The following BCAS3 variants were observed in gnomAD, a reference collection of about 807,000 sequenced individuals.
The protein encoded by BCAS3 is BCAS3 microtubule associated cell migration factor, also known as BCAS4/BCAS3 fusion.
Under a neutral mutation model 116.1 loss-of-function variants are expected in BCAS3, and 53 were observed. The observed-to-expected ratio is 0.46, with a 90% CI of 0.37 to 0.57. BCAS3 has a LOEUF of 0.57. BCAS3 is among the 20% of genes least tolerant of loss of function. The pLI is 0.00. For missense variants in BCAS3, 917 were observed against 1,165.4 expected, an observed-to-expected ratio of 0.79 and a Z score of 3.10; for synonymous variants, 391 against 408.2, an observed-to-expected ratio of 0.96 and a Z score of 0.51.
rs540693493 is a variant in BCAS3 at position 61,086,769 on chromosome 17, C to T, written c.2425+2205C>T. The T allele has an allele frequency of 4.1e-6, 4 of 985,278 alleles. No individual in the cohort carries two copies. The African/African-American group carries it at 5.2e-5, about 13-fold the overall frequency. The allele number at this position is 985,278 out of a possible 1,614,324, so 61.0% of individuals were successfully genotyped here. On this transcript the variant is annotated intron_variant, in intron 22 of 23. Transcript: ENST00000407086. ...CCAAAACAGTGAAACATGTGTGCTG[C>T]CTTCTTTAACTTTGAGCTAAAGAAG...
At chr17:60,908,161 T>C (rs1185071516) in intron 11 of BCAS3, among the ~76,000 whole-genome samples, 2 of 152,172 alleles carry the variant, frequency 1.3e-5, no homozygotes, top group Non-Finnish European at 2.9e-5. Context: ...TCATGTTTTT[T>C]TTTTCCCTAG....
intron 22 of BCAS3, among the ~76,000 whole-genome samples, chr17:61,166,689 C>T (rs567794804): frequency 5.3e-5 from 8 of 152,132 alleles, no homozygotes; most frequent in East Asian, 1.9e-4. Flanking sequence ...TGAGCCACTG[C>T]ACCCATCCTG....
At chr17:61,234,356 C>T (rs2082867958) in intron 22 of BCAS3, among the ~76,000 whole-genome samples, 1 of 152,166 alleles carries the variant, frequency 6.6e-6, no homozygotes. Context: ...CTGATTACTC[C>T]TGTCCCTCTC....
intron 7 of BCAS3, among the ~76,000 whole-genome samples, chr17:60,849,498 G>T (rs2052864992): frequency 6.6e-6 from 1 of 151,836 alleles, no homozygotes. Flanking sequence ...CTTGAGGATG[G>T]TATGTTTTCT....
chr17:61,236,583 G>C (rs1021564632), intron 22 of BCAS3, among the ~76,000 whole-genome samples: 5 of 152,206 alleles, frequency 3.3e-5, no homozygotes, highest in African/African-American at 7.2e-5. Flanking sequence ...GCCTCCCAAA[G>C]TGCTGGGATT....
At chr17:60,678,261 T>C (rs1271943724) in intron 1 of BCAS3, among the ~76,000 whole-genome samples, 1 of 151,764 alleles carries the variant, frequency 6.6e-6, no homozygotes, top group African/African-American at 2.4e-5. Context: ...GGGCTGGAGG[T>C]GCAGGTATCC....
rs1360021113 is a variant in BCAS3, at chr17:61,115,763, A to T, written c.2425+31199A>T. Among the ~76,000 whole-genome samples, 3 of 148,768 alleles carry T rather than the reference A, an allele frequency of 2.0e-5. No homozygotes were observed. In the South Asian group the frequency reaches 6.5e-4, roughly 32 times the overall value. ...TGGGTATATACCCAAAGCACTATAA[A>T]TCATGCTGCTATAAAGACACATGCA... On this transcript the variant is annotated intron_variant, in intron 22 of 23. Transcript: ENST00000407086.
intron 14 of BCAS3, among the ~76,000 whole-genome samples, chr17:60,972,460 T>C (rs1300130912): frequency 6.7e-6 from 1 of 149,240 alleles, no homozygotes; most frequent in Non-Finnish European, 1.5e-5. Flanking sequence ...TTTTTTTTTT[T>C]TTTTTTGAGA....
At chr17:60,820,658 T>A (rs2049877726) in intron 7 of BCAS3, among the ~76,000 whole-genome samples, 1 of 152,054 alleles carries the variant, frequency 6.6e-6, no homozygotes, top group Admixed American at 6.5e-5. Flanking sequence ...ATTAAAAAAA[T>A]TTAAAAAGTA....
intron 5 of BCAS3, among the ~76,000 whole-genome samples, chr17:60,738,345 T>C (rs900949159): frequency 6.6e-6 from 1 of 152,200 alleles, no homozygotes; most frequent in African/African-American, 2.4e-5. Flanking sequence ...CTCTTTCTCT[T>C]TGTCAATTTT....
At chr17:60,709,429 GC>G (rs2037582110) in intron 5 of BCAS3, 104 bp downstream of exon 5, 1 of 687,668 alleles carries the variant, frequency 1.5e-6, no homozygotes. Context: ...CTCACTCTTC[GC>G]CCAGGCTGGA....
intron 19 of BCAS3, among the ~76,000 whole-genome samples, chr17:61,045,352 A>C (rs1002758707): frequency 1.3e-5 from 2 of 151,604 alleles, no homozygotes; most frequent in African/African-American, 4.8e-5. Context: ...CTACAAAAAC[A>C]TTATAAAAAT....
intron 9 of BCAS3, among the ~76,000 whole-genome samples, chr17:60,881,765 T>G (rs1475044457): frequency 6.6e-6 from 1 of 151,318 alleles, no homozygotes; most frequent in East Asian, 1.9e-4. Context: ...ACAAAGGACA[T>G]GAACTCATCA....
At chr17:60,772,424 T>C (rs1410658903) in intron 6 of BCAS3, among the ~76,000 whole-genome samples, 1 of 152,182 alleles carries the variant, frequency 6.6e-6, no homozygotes, top group Non-Finnish European at 1.5e-5. Flanking sequence ...TCTTGAAAAT[T>C]TGTTTAAGTT....
chr17:60,694,563 C>T (rs762816419), intron 4 of BCAS3, among the ~76,000 whole-genome samples: 17 of 151,558 alleles, frequency 1.1e-4, no homozygotes, highest in Non-Finnish European at 2.1e-4. Context: ...GCCTAGGTGT[C>T]GAACTTCTGG....
chr17:61,205,710 T>C lies in BCAS3; in HGVS notation c.2425+121146T>C, dbSNP rs2081082343. On this transcript the variant is annotated intron_variant, in intron 22 of 23. Transcript: ENST00000407086. The surrounding 1 kb of genome is among the most constrained non-coding windows in gnomAD (Gnocchi z 5.2). ...TATGCTTCTTTTATGTTCCTTAGAC[T>C]CTTGCCCAGCATGCTTTTCCCACTC... 1.3e-5 allele frequency among the ~76,000 whole-genome samples: 2 copies of C among 152,222 alleles called. No homozygotes were observed. Among genetic ancestry groups the C allele is most frequent in the Admixed American group, 1.3e-4 (2 of 15,276 alleles).
intron 6 of BCAS3, among the ~76,000 whole-genome samples, chr17:60,755,190 C>CAA (rs1455141319): frequency 6.6e-6 from 1 of 152,138 alleles, no homozygotes; most frequent in East Asian, 1.9e-4. Context: ...AGAGGATTCT[C>CAA]AGTTTATACC....
intron 22 of BCAS3, among the ~76,000 whole-genome samples, chr17:61,298,075 A>T (rs1023942469): frequency 2.2e-4 from 34 of 152,264 alleles, no homozygotes; most frequent in African/African-American, 7.9e-4. Context: ...AAGTTAAGGA[A>T]CCTATCCTAG....
rs1401712743 is a variant in BCAS3, at chr17:61,156,269, G to GGATT, written c.2425+71707_2425+71710dup. Among the ~76,000 whole-genome samples, 2 of 151,968 alleles carry GGATT rather than the reference G, an allele frequency of 1.3e-5. No homozygotes were observed. Among genetic ancestry groups the GGATT allele is most frequent in the African/African-American group, 2.4e-5 (1 of 41,356 alleles). On this transcript the variant is annotated intron_variant, in intron 22 of 23. Transcript: ENST00000407086. This position sits in a 1 kb window ranked among gnomAD's most constrained non-coding sequence, Gnocchi z 4.7. ...GTATTCATTTTGGTCTTCTTTTCAG[G>GGATT]GATTGGAATTGAGCCTGGTAAAATT...
Sources: allele counts gnomAD v4.1 joint callset (sites outside exome capture counted in the v4.1 genomes callset), GRCh38; gene constraint gnomAD v4.1.1; non-coding constraint Gnocchi (gnomAD v3.1); transcripts MANE v1.5; gene names NCBI Gene and HGNC (gene_info 2026-07-23, HGNC 2026-07-21).